The following CLIP2 variants were observed in gnomAD, a reference collection of about 807,000 sequenced individuals.
CLIP2 encodes CAP-Gly domain containing linker protein 2, also known as CAP-Gly domain-containing linker protein 2.
Under a neutral mutation model 111.7 loss-of-function variants are expected in CLIP2, and 41 were observed. The ratio of observed to expected loss-of-function variants is 0.37; its 90% CI spans 0.29 to 0.48. The LOEUF is 0.48. Ranked by LOEUF, CLIP2 falls within the 20% of genes least tolerant of loss-of-function variation. The pLI is 0.99. For synonymous variants in CLIP2, 660 were observed against 644.2 expected, an observed-to-expected ratio of 1.02 and a Z score of -0.37; for missense variants, 1,160 against 1,422.1, an observed-to-expected ratio of 0.82 and a Z score of 2.96.
intron 3 of CLIP2, among the ~76,000 whole-genome samples, chr7:74,351,693 G>A (rs1423998152): frequency 5.9e-5 from 9 of 151,916 alleles, no homozygotes; most frequent in East Asian, 1.9e-4. Flanking sequence ...AAAATTAGCC[G>A]GGCATGGTGA....
intron 13 of CLIP2, among the ~76,000 whole-genome samples, chr7:74,391,167 TC>T (rs1554315805): frequency 6.6e-6 from 1 of 152,212 alleles, no homozygotes; most frequent in Non-Finnish European, 1.5e-5. Context: ...GATTCTGGCA[TC>T]TTTTTCCATG....
At chr7:74,384,875 G>A (rs1490371561) in intron 11 of CLIP2, among the ~76,000 whole-genome samples, 1 of 151,900 alleles carries the variant, frequency 6.6e-6, no homozygotes, top group Non-Finnish European at 1.5e-5. Flanking sequence ...GGGCGCAGTG[G>A]CTCACACTGT....
Position 74,338,995 on chromosome 7 carries a change from C to T in CLIP2, c.669C>T (p.Asp223=), listed in dbSNP as rs1251795537. 3 of 1,597,094 alleles carry T rather than the reference C, an allele frequency of 1.9e-6. No individual in the cohort carries two copies. In the African/African-American group the frequency reaches 4.0e-5, roughly 21 times the overall value. ...KRGEKDLRLG[D]RVLVGGTKTG... ...GCGAAAAGGACCTGCGCCTGGGGGA[C>T]CGCGTGCTGGTGAGTGCGGGCAGTA... The change falls in exon 3 of 17, where the codon GAC becomes GAT. Residue 223 remains aspartate, a synonymous_variant. Transcript: ENST00000223398. The surrounding 1 kb of genome is among the most constrained non-coding windows in gnomAD (Gnocchi z 4.3).
At chr7:74,323,456 T>C (rs1554730281) in intron 2 of CLIP2, among the ~76,000 whole-genome samples, 1 of 145,576 alleles carries the variant, frequency 6.9e-6, no homozygotes, top group Admixed American at 6.8e-5. Context: ...GAGATAGAGT[T>C]TTACTCCATC....
rs1314530229 is a variant in CLIP2, at chr7:74,339,015, G to T, written c.678+11G>T. On this transcript the variant is annotated intron_variant, in intron 3 of 16. Transcript: ENST00000223398. The stretch of plus-strand genomic sequence containing the variant: ...GGGGACCGCGTGCTGGTGAGTGCGG[G>T]CAGTACTGGGCTCTGGGCCCAGCTT... The T allele has an allele frequency of 3.2e-6, 5 of 1,580,982 alleles. No individual in the cohort carries two copies. The African/African-American group carries it at 6.7e-5, about 21-fold the overall frequency.
chr7:74,370,468 A>C (rs1156393156), intron 8 of CLIP2, among the ~76,000 whole-genome samples: 2 of 151,982 alleles, frequency 1.3e-5, no homozygotes, highest in African/African-American at 4.8e-5. Flanking sequence ...AAAAAAAAAA[A>C]AAACTAATTT....
chr7:74,329,990 G>C (rs981728627), intron 2 of CLIP2, among the ~76,000 whole-genome samples: 1 of 151,984 alleles, frequency 6.6e-6, no homozygotes, highest in Non-Finnish European at 1.5e-5. Flanking sequence ...TGTTGGTCAG[G>C]CTGGTCTCGA....
chr7:74,341,113 T>TGATGCTGC (rs1332429575), intron 3 of CLIP2, among the ~76,000 whole-genome samples: 23 of 152,148 alleles, frequency 1.5e-4, no homozygotes, highest in Admixed American at 3.3e-4. Context: ...GCCTGTGCTG[T>TGATGCTGC]GATGCTGCGA....
At chr7:74,374,488 ATCATCTGAGG>A (rs1465370204) in intron 9 of CLIP2, among the ~76,000 whole-genome samples, 16 of 152,200 alleles carry the variant, frequency 1.1e-4, no homozygotes, top group Non-Finnish European at 1.6e-4. Flanking sequence ...AGGTTGGTGA[ATCATCTGAGG>A]TCATCTGAGG....
chr7:74,376,948 A>C lies in CLIP2; in HGVS notation c.2421+126A>C. ...CCCCGAGAGCATGCCTGGGGCAGTC[A>C]AGGAAGGGGTCACCTGGCTTAGAGG... On this transcript the variant is annotated intron_variant, in intron 10 of 16. Transcript: ENST00000223398. This position sits in a 1 kb window ranked among gnomAD's most constrained non-coding sequence, Gnocchi z 7.1. 1.0e-6 allele frequency: 1 copy of C among 958,478 alleles called. No individual in the cohort carries two copies. The highest frequency in any genetic ancestry group is 1.5e-6 in the Non-Finnish European group (1 of 664,856). 59.4% of individuals were successfully genotyped at this position (958,478 alleles called of 1,614,324 possible).
chr7:74,364,227 G>C (rs782018051), intron 7 of CLIP2, 28 bp from the exon 8 acceptor site: 5 of 1,607,526 alleles, frequency 3.1e-6, no homozygotes, highest in Middle Eastern at 1.7e-4. Flanking sequence ...GCAAAGCCAG[G>C]TCAGCCACCT....
intron 6 of CLIP2, among the ~76,000 whole-genome samples, chr7:74,358,140 C>G (rs1790203486): frequency 1.3e-5 from 2 of 151,726 alleles, no homozygotes; most frequent in Non-Finnish European, 2.9e-5. Context: ...CAACCTCCAC[C>G]TCCCAGGTTC....
intron 13 of CLIP2, among the ~76,000 whole-genome samples, chr7:74,393,457 C>T (rs1437515207): frequency 6.6e-6 from 1 of 152,028 alleles, no homozygotes; most frequent in African/African-American, 2.4e-5. Flanking sequence ...CTGCCTCAGC[C>T]TTATGAGTAG....
At chr7:74,391,832 G>GA (rs1272639812) in intron 13 of CLIP2, among the ~76,000 whole-genome samples, 14 of 147,794 alleles carry the variant, frequency 9.5e-5, no homozygotes, top group African/African-American at 2.5e-4. Context: ...AGAAGAAGAA[G>GA]AAAAAAAAAG....
intron 12 of CLIP2, chr7:74,388,847 T>G (rs1310680039): frequency 2.8e-6 from 1 of 354,304 alleles, no homozygotes; most frequent in East Asian, 5.4e-5. Context: ...TCCCAGCTAC[T>G]CAGGAGGCTG....
chr7:74,335,238 T>C (rs1003426371), intron 2 of CLIP2, among the ~76,000 whole-genome samples: 1 of 130,428 alleles, frequency 7.7e-6, no homozygotes, highest in Non-Finnish European at 1.6e-5. Context: ...ACAAGTGTAC[T>C]CCAGCCTGGG....
At chr7:74,305,806 T>A (rs1439630771) in intron 1 of CLIP2, among the ~76,000 whole-genome samples, 1 of 149,166 alleles carries the variant, frequency 6.7e-6, no homozygotes, top group African/African-American at 2.5e-5. Flanking sequence ...ATTTTAGGGA[T>A]CTGCTTCCAT....
At chr7:74,299,773 A>G (rs1209164084) in intron 1 of CLIP2, among the ~76,000 whole-genome samples, 5 of 150,388 alleles carry the variant, frequency 3.3e-5, no homozygotes, top group Non-Finnish European at 5.9e-5. Flanking sequence ...ATCTCGGCTC[A>G]CCGCATCCTC....
At position 74,347,098 on chromosome 7, in the gene CLIP2, T is replaced by C. The variant is rs371923860; in HGVS notation, c.679-6782T>C. On this transcript the variant is annotated intron_variant, in intron 3 of 16. Transcript: ENST00000223398. ...AGATCCCTTGCCCCGTCCCCGTTCC[T>C]GCCTTGCCTGATGACTACTCGTTGC... Among the ~76,000 whole-genome samples the C allele has an allele frequency of 2.0e-5, 3 of 152,094 alleles. No individual in the cohort carries two copies. In the South Asian group the frequency reaches 6.2e-4, roughly 31 times the overall value.
Sources: allele counts gnomAD v4.1 joint callset (sites outside exome capture counted in the v4.1 genomes callset), GRCh38; gene constraint gnomAD v4.1.1; non-coding constraint Gnocchi (gnomAD v3.1); transcripts MANE v1.5; gene names NCBI Gene and HGNC (gene_info 2026-07-23, HGNC 2026-07-21).